MYH9: variants seen among roughly 807,000 people sequenced by gnomAD.
MYH9 encodes the protein myosin-9.
MYH9 carries 29 observed loss-of-function variants against 241.9 expected under a neutral mutation model. That is an observed-to-expected ratio of 0.12 (90% CI 0.09 to 0.16). The LOEUF is 0.16. MYH9 is among the 10% of genes least tolerant of loss of function. The pLI, the probability that MYH9 is intolerant of heterozygous loss-of-function variation, is 1.00. For missense variants in MYH9, 1,803 were observed against 2,595.5 expected (o/e 0.69, Z 6.63); for synonymous variants, 1,047 against 1,062.6 (o/e 0.99, Z 0.29).
chr22:36,357,287 GAA>G (rs1282220248), intron 1 of MYH9, among the ~76,000 whole-genome samples: 2 of 152,190 alleles, frequency 1.3e-5, no homozygotes, highest in East Asian at 3.9e-4. Context: ...GCAGGGAAGG[GAA>G]GAGATGGTGG....
At position 36,316,555 on chromosome 22, in the gene MYH9, TGAA is replaced by T; in HGVS notation, c.1339_1341del (p.Phe447del). ...AAGCCGGCAATGTCCAGGATCCCGATGAAGGAGGCGCCCTGCCTCTTGGTCTTG... is the reference window on the plus strand; with the variant it reads ...AAGCCGGCAATGTCCAGGATCCCGATGGAGGCGCCCTGCCTCTTGGTCTTG... On this transcript the variant is annotated inframe_deletion, in exon 12 of 41. Transcript: ENST00000216181. 1 of 1,614,042 alleles carries T rather than the reference TGAA, an allele frequency of 6.2e-7. No individual in the cohort carries two copies. Among genetic ancestry groups the T allele is most frequent in the Non-Finnish European group, 8.5e-7 (1 of 1,179,996 alleles).
At chr22:36,383,009 C>T (rs970336040) in intron 1 of MYH9, among the ~76,000 whole-genome samples, 43 of 151,784 alleles carry the variant, frequency 2.8e-4, no homozygotes, top group African/African-American at 1.0e-3. Context: ...TTGCTTGAGC[C>T]CAGGGGTTTG....
chr22:36,326,113 G>C (rs1036165030), intron 5 of MYH9, among the ~76,000 whole-genome samples: 1 of 152,134 alleles, frequency 6.6e-6, no homozygotes, highest in Admixed American at 6.5e-5. Flanking sequence ...TGCCCTTTCT[G>C]TCTTCGCTGG....
At chr22:36,292,290 C>T in intron 30 of MYH9, 56 bp from the exon 31 acceptor site, 9 of 1,608,762 alleles carry the variant, frequency 5.6e-6, no homozygotes, top group Non-Finnish European at 4.2e-6. Flanking sequence ...TCAGGTGGCA[C>T]ACCCGTCCCT....
In MYH9 at chr22:36,314,175, C is replaced by T. The variant is rs2017113353; in HGVS notation, c.1524G>A (p.Leu508=). 1 of 1,614,212 alleles carries T rather than the reference C, an allele frequency of 6.2e-7. No homozygotes were observed. The highest frequency in any genetic ancestry group is 8.5e-7 in the Non-Finnish European group (1 of 1,180,032). Residue 508 remains leucine, a synonymous_variant, in exon 13 of 41, where the codon CTG becomes CTA. Transcript: ENST00000216181. ...TCTCAATGAGGTCGATGCAGGGCTG[C>T]AGGTCGAGGCCAAAGTCGATGAAGT... ...EWNFIDFGLD[L]QPCIDLIEKP... is the part of the protein sequence containing the mutation.
chr22:36,320,954 T>C lies in MYH9; in HGVS notation c.770-58A>G. 3 of 1,386,540 alleles carry C rather than the reference T, an allele frequency of 2.2e-6. No individual in the cohort carries two copies. The highest frequency in any genetic ancestry group is 2.0e-5 in the Admixed American group (1 of 50,610). The allele number at this position is 1,386,540 out of a possible 1,614,324, so 85.9% of individuals were successfully genotyped here. On this transcript the variant is annotated intron_variant, in intron 7 of 40. Transcript: ENST00000216181. The surrounding 1 kb of genome is among the most constrained non-coding windows in gnomAD (Gnocchi z 4.8). Reference sequence around the variant, plus strand: ...GGAGAAGGCAAGCCCTCCACTTTCCTCATTTTTTTTTTTTTGGAGACAGAG... The same window carrying C: ...GGAGAAGGCAAGCCCTCCACTTTCCCCATTTTTTTTTTTTTGGAGACAGAG...
intron 20 of MYH9, chr22:36,302,205 T>C (rs1040487032): frequency 3.1e-5 from 9 of 291,844 alleles, no homozygotes; most frequent in African/African-American, 2.0e-4. Flanking sequence ...TTTAATTCTT[T>C]AGGCTTTTTG....
chr22:36,292,877 CAT>C (rs2016728837), intron 30 of MYH9, among the ~76,000 whole-genome samples: 1 of 152,216 alleles, frequency 6.6e-6, no homozygotes. Context: ...AGTTGTCACA[CAT>C]TCTAAAAAAC....
At position 36,284,228 on chromosome 22, in the gene MYH9, C is replaced by T. The variant is rs759777823; in HGVS notation, c.5630G>A (p.Arg1877Gln). 37 of 1,612,706 alleles carry T rather than the reference C, an allele frequency of 2.3e-5. No homozygotes were observed. Among genetic ancestry groups the T allele is most frequent in the African/African-American group, 5.3e-5 (4 of 74,944 alleles). ...KASTRLKQLK[R>Q]QLEEAEEEAQ... Reference sequence around the variant, plus strand: ...CTCCTCTTCGGCCTCCTCCAGCTGCCGCTTGAGCTGCTTCAGGCGGGTAGA... The same window carrying T: ...CTCCTCTTCGGCCTCCTCCAGCTGCTGCTTGAGCTGCTTCAGGCGGGTAGA... The change falls in exon 40 of 41, where the codon CGG becomes CAG. Residue 1877 changes from arginine (R) to glutamine (Q), a missense_variant. Transcript: ENST00000216181.
In MYH9 at chr22:36,303,962, G is replaced by A. The variant is rs779377091; in HGVS notation, c.2390+33C>T. Reference sequence around the variant, plus strand: ...CAACAGAAGGGCGTGGCAAGGCCTGGCATGCGGGGCAGGAGTATCTCCCGG... The same window carrying A: ...CAACAGAAGGGCGTGGCAAGGCCTGACATGCGGGGCAGGAGTATCTCCCGG... On this transcript the variant is annotated intron_variant, in intron 19 of 40. Transcript: ENST00000216181. The A allele has an allele frequency of 1.9e-6, 3 of 1,611,570 alleles. No homozygotes were observed. The highest frequency in any genetic ancestry group is 2.5e-6 in the Non-Finnish European group (3 of 1,178,894).
chr22:36,285,003 A>G lies in MYH9; in HGVS notation c.5483+118T>C, dbSNP rs373582284. ...ATGAGGGCCCCATCAGGAGGGAGGGAAACAGCCCCAGGCTCAGGAGACAGA... is the reference window on the plus strand; with the variant it reads ...ATGAGGGCCCCATCAGGAGGGAGGGGAACAGCCCCAGGCTCAGGAGACAGA... On this transcript the variant is annotated intron_variant, in intron 38 of 40. Coordinates refer to ENST00000216181, the MANE Select transcript of MYH9 (RefSeq NM_002473.6). This position sits in a 1 kb window ranked among gnomAD's most constrained non-coding sequence, Gnocchi z 7.0. The G allele has an allele frequency of 2.0e-6, 2 of 977,286 alleles. No homozygotes were observed. Among genetic ancestry groups the G allele is most frequent in the Non-Finnish European group, 1.5e-6 (1 of 648,840 alleles). 60.5% of individuals were successfully genotyped at this position (977,286 alleles called of 1,614,324 possible).
At chr22:36,317,561 T>C (rs779486735) in intron 11 of MYH9, among the ~76,000 whole-genome samples, 1 of 152,202 alleles carries the variant, frequency 6.6e-6, no homozygotes, top group Non-Finnish European at 1.5e-5. Flanking sequence ...GTACAGTGAA[T>C]GGGAGAAAGA....
intron 15 of MYH9, chr22:36,308,831 A>C (rs1378727975): frequency 4.1e-6 from 4 of 985,284 alleles, no homozygotes; most frequent in African/African-American, 1.7e-5. Flanking sequence ...GAGAATAGGA[A>C]AGCGATGATA....
At position 36,286,797 on chromosome 22, in the gene MYH9, C is replaced by T. The variant is rs773424441; in HGVS notation, c.4982G>A (p.Arg1661His). The stretch of plus-strand genomic sequence containing the variant: ...TTTGGCCTGGGCCAGGATCTCCTCA[C>T]GAGAGGCGCGGGTGTCATCCAGCTC... ...MRELDDTRAS[R>H]EEILAQAKEN... Residue 1661 changes from arginine to histidine, a missense_variant, in exon 35 of 41, where the codon CGT (arginine) becomes CAT (histidine). Coordinates refer to ENST00000216181, the MANE Select transcript of MYH9 (RefSeq NM_002473.6). The T allele has an allele frequency of 5.0e-6, 8 of 1,612,214 alleles. No individual in the cohort carries two copies. The highest frequency in any genetic ancestry group is 2.2e-5 in the East Asian group (1 of 44,888).
intron 5 of MYH9, among the ~76,000 whole-genome samples, chr22:36,323,822 G>A (rs968969531): frequency 6.6e-6 from 1 of 152,192 alleles, no homozygotes; most frequent in African/African-American, 2.4e-5. Context: ...TTGCTCTAGT[G>A]CCCGCCCCTG....
Position 36,330,646 on chromosome 22 carries a change from T to C in MYH9, c.491-3158A>G, listed in dbSNP as rs999790588. ...GCCCACCTCCCCACCCTATGCATTCTAGTGGAGACTGCCATTGGCGCCCAC... is the reference window on the plus strand; with the variant it reads ...GCCCACCTCCCCACCCTATGCATTCCAGTGGAGACTGCCATTGGCGCCCAC... On this transcript the variant is annotated intron_variant, in intron 3 of 40. Coordinates refer to ENST00000216181, the MANE Select transcript of MYH9 (RefSeq NM_002473.6). This position sits in a 1 kb window ranked among gnomAD's most constrained non-coding sequence, Gnocchi z 4.5. Among the ~76,000 whole-genome samples the C allele has an allele frequency of 1.3e-5, 2 of 152,110 alleles. No homozygotes were observed. Among genetic ancestry groups the C allele is most frequent in the Non-Finnish European group, 2.9e-5 (2 of 68,020 alleles).
At chr22:36,347,818 AAC>A (rs143561422) in intron 2 of MYH9, among the ~76,000 whole-genome samples, 70,470 of 136,484 alleles carry the variant, frequency 0.52, 18,564 homozygotes, top group Middle Eastern at 0.58. Flanking sequence ...AAAAAAAAAA[AAC>A]AATAGTAAGA....
At position 36,288,619 on chromosome 22, in the gene MYH9, G is replaced by T; in HGVS notation, c.4770+108C>A. 7.2e-7 allele frequency: 1 copy of T among 1,391,086 alleles called. No homozygotes were observed. The highest frequency in any genetic ancestry group is 1.2e-5 in the South Asian group (1 of 86,230). The allele number at this position is 1,391,086 out of a possible 1,614,324, so 86.2% of individuals were successfully genotyped here. A position where few individuals can be genotyped will look rare whatever the true frequency, so the allele number is the denominator to read the frequency against. On this transcript the variant is annotated intron_variant, in intron 33 of 40. Coordinates refer to ENST00000216181, the MANE Select transcript of MYH9 (RefSeq NM_002473.6). This position sits in a 1 kb window ranked among gnomAD's most constrained non-coding sequence, Gnocchi z 4.8. ...AGAAAGAAGGAATATGGGAGGGGAG[G>T]CGTGGTCAAGGGGCCCTAACACAAT...
chr22:36,384,850 T>C (rs73885388), intron 1 of MYH9, among the ~76,000 whole-genome samples: 4,681 of 151,644 alleles, frequency 0.031, 252 homozygotes, highest in African/African-American at 0.11. Flanking sequence ...GCTCACGTTC[T>C]TTCCACTACC....
Sources: allele counts gnomAD v4.1 joint callset (sites outside exome capture counted in the v4.1 genomes callset), GRCh38; gene constraint gnomAD v4.1.1; non-coding constraint Gnocchi (gnomAD v3.1); transcripts MANE v1.5; gene names NCBI Gene and HGNC (gene_info 2026-07-23, HGNC 2026-07-21).